Variants in SASH1 observed in about 807,000 individuals in gnomAD.
SASH1 encodes the protein SAM and SH3 domain containing 1.
Under a neutral mutation model 125.2 loss-of-function variants are expected in SASH1, and 44 were observed. The observed-to-expected ratio is 0.35, with a 90% CI of 0.28 to 0.45. The LOEUF (loss-of-function observed/expected upper bound fraction) is 0.45, where lower values mean the gene tolerates loss of function less well. Ranked by LOEUF, SASH1 falls within the 20% of genes least tolerant of loss-of-function variation. The pLI is 1.00. For missense variants in SASH1, 1,426 were observed against 1,614.5 expected (o/e 0.88, Z 2.00); for synonymous variants, 639 against 649.1 (o/e 0.98, Z 0.24).
chr6:148,383,818 G>A (rs6930576), intron 1 of SASH1, among the ~76,000 whole-genome samples: 54,300 of 151,980 alleles, frequency 0.36, 9,981 homozygotes, highest in Admixed American at 0.41. Flanking sequence ...CTGTGAAACC[G>A]ATTGTTGAGG....
At chr6:148,307,222 G>A (rs890990112) in intron 1 of SASH1, among the ~76,000 whole-genome samples, 1 of 151,814 alleles carries the variant, frequency 6.6e-6, no homozygotes, top group South Asian at 2.1e-4. Flanking sequence ...AGGTTCAAGC[G>A]ATTCTCCTGC....
rs557960632 is a variant in SASH1 at position 148,344,518 on chromosome 6, G to A, written c.156+1295G>A. ...AGAGAACCAGCGAGCGTTGGTTAAA[G>A]ATTTCTATCTGCTCTTGTCACTCTC... On this transcript the variant is annotated intron_variant, in intron 1 of 19. Transcript: ENST00000367467. Among the ~76,000 whole-genome samples, 13 of 152,146 alleles carry A rather than the reference G, an allele frequency of 8.5e-5. No individual in the cohort carries two copies. The East Asian group carries it at 2.5e-3, about 29-fold the overall frequency.
chr6:148,440,130 C>G, intron 2 of SASH1, 54 bp from the exon 3 acceptor site: 2 of 1,545,120 alleles, frequency 1.3e-6, no homozygotes, highest in Admixed American at 3.3e-5. Context: ...ATTTGTCTTT[C>G]TCGCGTGTGA....
At chr6:148,370,669 A>G (rs1782671248) in intron 1 of SASH1, among the ~76,000 whole-genome samples, 1 of 152,074 alleles carries the variant, frequency 6.6e-6, no homozygotes, top group Admixed American at 6.5e-5. Flanking sequence ...TAAAAATACA[A>G]AAAACTAGCT....
intron 16 of SASH1, among the ~76,000 whole-genome samples, chr6:148,537,339 A>G (rs1001026938): frequency 3.3e-5 from 5 of 152,214 alleles, no homozygotes; most frequent in Non-Finnish European, 7.3e-5. Flanking sequence ...TAATTGTCAG[A>G]TGGCTATTCC....
chr6:148,228,354 G>A, the SASH1 span, among the ~76,000 whole-genome samples: 1 of 152,242 alleles, frequency 6.6e-6, no homozygotes, highest in Middle Eastern at 3.4e-3. Context: ...TAAATTCTAA[G>A]AGACAAAACT....
At chr6:148,421,746 T>C (rs1457432455) in intron 2 of SASH1, among the ~76,000 whole-genome samples, 1 of 152,238 alleles carries the variant, frequency 6.6e-6, no homozygotes, top group Admixed American at 6.5e-5. Flanking sequence ...ATCTTATACT[T>C]CCCAGTATTT....
intron 10 of SASH1, among the ~76,000 whole-genome samples, chr6:148,524,119 A>ATTTT (rs1404681101): frequency 1.6e-5 from 2 of 125,156 alleles, no homozygotes; most frequent in African/African-American, 5.9e-5. Context: ...ATATATATAT[A>ATTTT]TATTTTTTTT....
chr6:148,396,529 G>A (rs1783961026), intron 2 of SASH1, among the ~76,000 whole-genome samples: 1 of 150,290 alleles, frequency 6.7e-6, no homozygotes, highest in South Asian at 2.1e-4. Context: ...ATTGTTAATG[G>A]TGTAGGAATG....
chr6:148,200,992 T>C, the SASH1 span, among the ~76,000 whole-genome samples: 1 of 152,148 alleles, frequency 6.6e-6, no homozygotes, highest in African/African-American at 2.4e-5. Flanking sequence ...TCTCCACTGG[T>C]GAGGAAGTTT....
intron 1 of SASH1, among the ~76,000 whole-genome samples, chr6:148,382,165 T>C (rs1260220380): frequency 6.6e-6 from 1 of 152,146 alleles, no homozygotes; most frequent in East Asian, 1.9e-4. Context: ...ATGCCAGGCA[T>C]TGTGGCAGCT....
chr6:148,299,843 A>C (rs894090945), intron 1 of SASH1, among the ~76,000 whole-genome samples: 1 of 152,132 alleles, frequency 6.6e-6, no homozygotes, highest in African/African-American at 2.4e-5. Context: ...AATCAGAATA[A>C]ATTTACAGGG....
At chr6:148,224,789 G>C in the SASH1 span, among the ~76,000 whole-genome samples, 2 of 152,134 alleles carry the variant, frequency 1.3e-5, no homozygotes, top group South Asian at 2.1e-4. Context: ...TTTATAAATT[G>C]ATAGAAAAAA....
intron 2 of SASH1, among the ~76,000 whole-genome samples, chr6:148,432,576 C>G (rs1339491853): frequency 6.6e-6 from 1 of 152,216 alleles, no homozygotes; most frequent in Non-Finnish European, 1.5e-5. Flanking sequence ...GCTTTTTCCA[C>G]CTCCTCCTTC....
At chr6:148,474,472 G>C (rs1778254518) in intron 7 of SASH1, among the ~76,000 whole-genome samples, 1 of 152,206 alleles carries the variant, frequency 6.6e-6, no homozygotes, top group African/African-American at 2.4e-5. Flanking sequence ...CCTTCTGAAT[G>C]CAGCTGCAAA....
chr6:148,239,063 G>A, the SASH1 span, among the ~76,000 whole-genome samples: 4 of 152,110 alleles, frequency 2.6e-5, no homozygotes, highest in African/African-American at 9.7e-5. Flanking sequence ...GCTCAACTAG[G>A]GACATTAGAG....
intron 1 of SASH1, among the ~76,000 whole-genome samples, chr6:148,286,193 G>T (rs368313688): frequency 6.6e-6 from 1 of 151,768 alleles, no homozygotes; most frequent in South Asian, 2.1e-4. Flanking sequence ...TCCAGCCTGG[G>T]CAACATAAAA....
intron 4 of SASH1, among the ~76,000 whole-genome samples, chr6:148,453,338 C>A (rs953911032): frequency 2.6e-5 from 4 of 152,150 alleles, no homozygotes; most frequent in African/African-American, 7.2e-5. Flanking sequence ...GGGAGGCTAT[C>A]AGTAAATAAA....
intron 4 of SASH1, among the ~76,000 whole-genome samples, chr6:148,442,812 C>T (rs747321253): frequency 1.3e-4 from 19 of 151,874 alleles, no homozygotes; most frequent in Non-Finnish European, 1.9e-4. Context: ...ATCGCTCTGT[C>T]GCCCAGGCTG....
Sources: gnomAD v4.1 joint callset for allele counts (sites outside exome capture counted in the v4.1 genomes callset) on GRCh38, gnomAD v4.1.1 for gene constraint, MANE v1.5 for transcripts, NCBI Gene and HGNC (gene_info 2026-07-23, HGNC 2026-07-21) for gene names.